RBFOX1: variants seen among roughly 807,000 people sequenced by gnomAD.
RBFOX1 encodes RNA binding protein fox-1 homolog 1.
Under a neutral mutation model 57.7 loss-of-function variants are expected in RBFOX1, and 8 were observed. The observed-to-expected ratio is 0.14, with a 90% CI of 0.08 to 0.25. RBFOX1 has a LOEUF of 0.25. Ranked by LOEUF, RBFOX1 falls within the 10% of genes least tolerant of loss-of-function variation. The pLI is 1.00. For synonymous variants in RBFOX1, 326 were observed against 222.4 expected (o/e 1.47, Z -4.15); for missense variants, 611 against 548.5 (o/e 1.11, Z -1.14).
chr16:6,731,155 G>A (rs1416743760), intron 3 of RBFOX1, among the ~76,000 whole-genome samples: 2 of 152,164 alleles, frequency 1.3e-5, no homozygotes, highest in Non-Finnish European at 2.9e-5. Flanking sequence ...GACTGCTGAG[G>A]ACAGCTAGAA....
At chr16:6,994,317 G>T (rs2153617454) in intron 3 of RBFOX1, among the ~76,000 whole-genome samples, 1 of 152,256 alleles carries the variant, frequency 6.6e-6, no homozygotes, top group African/African-American at 2.4e-5. Flanking sequence ...TGCAGGGTTG[G>T]ATGTAAGTGT....
At chr16:6,597,850 A>C (rs990185024) in intron 2 of RBFOX1, among the ~76,000 whole-genome samples, 2 of 152,124 alleles carry the variant, frequency 1.3e-5, no homozygotes, top group Non-Finnish European at 2.9e-5. Flanking sequence ...TGTGGTGTTG[A>C]TCCTTGGAGC....
chr16:7,073,176 G>C (rs530824490), intron 4 of RBFOX1, among the ~76,000 whole-genome samples: 100 of 152,284 alleles, frequency 6.6e-4, no homozygotes, highest in African/African-American at 2.2e-3. Flanking sequence ...ATCTGGCTAT[G>C]GGCTGTCTTT....
At chr16:5,701,356 T>G (rs1041590252) in intron 3 of RBFOX1, among the ~76,000 whole-genome samples, 8 of 152,168 alleles carry the variant, frequency 5.3e-5, no homozygotes, top group African/African-American at 1.2e-4. Flanking sequence ...GCATGTAGAG[T>G]TAAGGGACTT....
At position 6,721,343 on chromosome 16, in the gene RBFOX1, C is replaced by T. The variant is rs544823564; in HGVS notation, c.-16+66693C>T. Among the ~76,000 whole-genome samples the T allele has an allele frequency of 2.5e-4, 38 of 152,042 alleles. 1 individual carries two copies. The highest frequency in any genetic ancestry group is 8.4e-4 in the African/African-American group (35 of 41,466). ...CTGTAATCCCAACTACTTGGGAGGCCAAGGCAAGGGAATCACTTGAACCCG... is the reference window on the plus strand; with the variant it reads ...CTGTAATCCCAACTACTTGGGAGGCTAAGGCAAGGGAATCACTTGAACCCG... On this transcript the variant is annotated intron_variant, in intron 3 of 15. Coordinates refer to ENST00000550418, the MANE Select transcript of RBFOX1 (RefSeq NM_018723.4).
At chr16:7,701,265 G>C (rs978090051) in intron 14 of RBFOX1, among the ~76,000 whole-genome samples, 5 of 147,410 alleles carry the variant, frequency 3.4e-5, no homozygotes, top group East Asian at 1.9e-4. Context: ...TCATTTTGTA[G>C]GTCAGGGGTC....
At chr16:5,328,194 C>G (rs958954223) in intron 1 of RBFOX1, among the ~76,000 whole-genome samples, 12 of 152,100 alleles carry the variant, frequency 7.9e-5, no homozygotes, top group Admixed American at 6.5e-4. Context: ...ATATGACTTA[C>G]TTGGAGATGG....
intron 10 of RBFOX1, among the ~76,000 whole-genome samples, chr16:7,613,356 C>G (rs180835237): frequency 5.9e-5 from 9 of 152,152 alleles, no homozygotes; most frequent in Admixed American, 5.9e-4. Context: ...CCTAGGGTTA[C>G]AGGGGCGATC....
At chr16:7,453,244 C>G (rs141918691) in intron 4 of RBFOX1, among the ~76,000 whole-genome samples, 4 of 151,654 alleles carry the variant, frequency 2.6e-5, no homozygotes, top group African/African-American at 9.7e-5. Context: ...GGAGGTTAAA[C>G]AGAGAGGTAT....
intron 2 of RBFOX1, among the ~76,000 whole-genome samples, chr16:5,519,331 A>T (rs2043921311): frequency 6.6e-6 from 1 of 152,170 alleles, no homozygotes; most frequent in Admixed American, 6.5e-5. Flanking sequence ...TACTATCCTG[A>T]CTAACCTTCT....
chr16:5,998,583 G>C (rs948433151), intron 4 of RBFOX1, among the ~76,000 whole-genome samples: 1 of 152,136 alleles, frequency 6.6e-6, no homozygotes, highest in Non-Finnish European at 1.5e-5. Context: ...GATCAAAGCT[G>C]AGGGGCTTTC....
At chr16:7,123,662 G>T (rs1203702642) in intron 4 of RBFOX1, among the ~76,000 whole-genome samples, 1 of 152,148 alleles carries the variant, frequency 6.6e-6, no homozygotes, top group East Asian at 1.9e-4. Flanking sequence ...ACCCCACCTG[G>T]CAAAAATTAT....
rs901889897 is a variant in RBFOX1 at position 6,718,961 on chromosome 16, C to G, written c.-16+64311C>G. Among the ~76,000 whole-genome samples the G allele has an allele frequency of 2.1e-4, 32 of 152,050 alleles. 1 individual carries two copies. The highest frequency in any genetic ancestry group is 7.2e-4 in the Admixed American group (11 of 15,262). ...TGCTGCAGCTTCAACCTCCGGGGCT[C>G]AAACAATCCTCCCACCTCAGCTTCC... is the stretch of plus-strand genomic sequence containing the variant. On this transcript the variant is annotated intron_variant, in intron 3 of 15. Coordinates refer to ENST00000550418, the MANE Select transcript of RBFOX1 (RefSeq NM_018723.4).
chr16:5,609,257 T>A (rs959892834), intron 3 of RBFOX1, among the ~76,000 whole-genome samples: 3 of 152,254 alleles, frequency 2.0e-5, no homozygotes, highest in Non-Finnish European at 4.4e-5. Flanking sequence ...AATTGGTAGA[T>A]GCTATCTCAT....
At chr16:6,053,652 T>TA (rs1265253195) in intron 1 of RBFOX1, among the ~76,000 whole-genome samples, 1 of 152,030 alleles carries the variant, frequency 6.6e-6, no homozygotes. Flanking sequence ...GTTAAATAAA[T>TA]AAAACATTTT....
chr16:6,019,282 C>T lies in RBFOX1; in HGVS notation c.-837C>T, dbSNP rs903159763. The stretch of plus-strand genomic sequence containing the variant: ...CCAGCCCCCTTCCTGGTCTCCCGAG[C>T]GCGGGGTTTGAAGGTCACCTCCTTT... On this transcript the variant is annotated 5_prime_UTR_variant, in exon 1 of 16. Transcript: ENST00000550418. This position sits in a 1 kb window ranked among gnomAD's most constrained non-coding sequence, Gnocchi z 4.2. The T allele has an allele frequency of 6.1e-6, 6 of 985,116 alleles. No individual in the cohort carries two copies. The African/African-American group carries it at 1.1e-4, about 17-fold the overall frequency. 61.0% of individuals were successfully genotyped at this position (985,116 alleles called of 1,614,324 possible). A position where few individuals can be genotyped will look rare whatever the true frequency, so the allele number is the denominator to read the frequency against.
chr16:5,543,734 C>G (rs2045064806), intron 2 of RBFOX1, among the ~76,000 whole-genome samples: 1 of 152,074 alleles, frequency 6.6e-6, no homozygotes, highest in African/African-American at 2.4e-5. Flanking sequence ...CTAGGCACAT[C>G]ATAATCAAGT....
At chr16:7,315,212 A>G (rs1029053257) in intron 4 of RBFOX1, among the ~76,000 whole-genome samples, 4 of 151,992 alleles carry the variant, frequency 2.6e-5, no homozygotes, top group African/African-American at 9.7e-5. Flanking sequence ...CCAACAGAAG[A>G]CAGAGTAGGA....
chr16:5,558,115 G>T (rs76598861), intron 2 of RBFOX1, among the ~76,000 whole-genome samples: 2,031 of 152,184 alleles, frequency 0.013, 57 homozygotes, highest in African/African-American at 0.046. Flanking sequence ...ATAATACCTT[G>T]TACTCATCCT....
Sources: allele counts gnomAD v4.1 joint callset (sites outside exome capture counted in the v4.1 genomes callset), GRCh38; gene constraint gnomAD v4.1.1; non-coding constraint Gnocchi (gnomAD v3.1); transcripts MANE v1.5; gene names NCBI Gene and HGNC (gene_info 2026-07-23, HGNC 2026-07-21).